RIOK3: variants seen among roughly 807,000 people sequenced by gnomAD.
RIOK3 encodes the protein serine/threonine-protein kinase RIO3.
A neutral mutation model predicts 63.5 loss-of-function variants in RIOK3; 40 were observed. The ratio of observed to expected loss-of-function variants is 0.63; its 90% CI spans 0.49 to 0.82. The LOEUF (loss-of-function observed/expected upper bound fraction) is 0.82. Ranked by LOEUF, RIOK3 falls within the 40% of genes least tolerant of loss-of-function variation. The pLI, the probability that RIOK3 is intolerant of heterozygous loss-of-function variation, is 0.00. For missense variants in RIOK3, 557 were observed against 637.0 expected, an observed-to-expected ratio of 0.87 and a Z score of 1.35; for synonymous variants, 193 against 205.0, an observed-to-expected ratio of 0.94 and a Z score of 0.50.
chr18:23,465,470 A>G (rs901301789), intron 5 of RIOK3, among the ~76,000 whole-genome samples: 1 of 152,178 alleles, frequency 6.6e-6, no homozygotes, highest in African/African-American at 2.4e-5. Context: ...AATGCTTGTT[A>G]AGTAAACATA....
intron 1 of RIOK3, among the ~76,000 whole-genome samples, chr18:23,462,343 G>A (rs2057377750): frequency 6.6e-6 from 1 of 152,048 alleles, no homozygotes. Context: ...GTTTCACCAT[G>A]TTGGCCAGGC....
chr18:23,453,615 C>A, intron 1 of RIOK3, 113 bp downstream of exon 1: 2 of 950,164 alleles, frequency 2.1e-6, no homozygotes, highest in Non-Finnish European at 1.7e-6. Flanking sequence ...GGCGGGACCC[C>A]GCGGACCTCG....
rs112648602 is a variant in RIOK3 at position 23,481,370 on chromosome 18, C to A, written c.*91C>A. On this transcript the variant is annotated 3_prime_UTR_variant, in exon 13 of 13. Coordinates refer to ENST00000339486, the MANE Select transcript of RIOK3 (RefSeq NM_003831.5). ...TATGGGTGACTTGAAATACCAAAACCTGAGGAGTGGGCAATGGTGCTTCTG... is the reference window on the plus strand; with the variant it reads ...TATGGGTGACTTGAAATACCAAAACATGAGGAGTGGGCAATGGTGCTTCTG... 6 of 767,300 alleles carry A rather than the reference C, an allele frequency of 7.8e-6. No homozygotes were observed. The highest frequency in any genetic ancestry group is 5.4e-5 in the African/African-American group (3 of 55,520). The allele number at this position is 767,300 out of a possible 1,614,324, so 47.5% of individuals were successfully genotyped here. A position where few individuals can be genotyped will look rare whatever the true frequency, so the allele number is the denominator to read the frequency against.
chr18:23,453,601 CTGGGGCGGGACCCCGCGGA>C (rs925559210), intron 1 of RIOK3, 99 bp downstream of exon 1: 1 of 1,103,930 alleles, frequency 9.1e-7, no homozygotes, highest in Non-Finnish European at 1.4e-6. Flanking sequence ...TCGGGAAGTT[CTGGGGCGGGACCCCGCGGA>C]CCTCGGCAAG....
chr18:23,478,924 T>G (rs2057512539), intron 11 of RIOK3: 1 of 176,456 alleles, frequency 5.7e-6, no homozygotes, highest in African/African-American at 2.3e-5. Flanking sequence ...ATGAGCTAAA[T>G]CCAGAAGGCA....
At chr18:23,461,793 G>A (rs1328686149) in intron 1 of RIOK3, among the ~76,000 whole-genome samples, 4 of 152,024 alleles carry the variant, frequency 2.6e-5, no homozygotes, top group African/African-American at 9.7e-5. Context: ...CTAAAGTTCA[G>A]AAATAAAATT....
In RIOK3 at chr18:23,464,287, A is replaced by C. The variant is rs1365513192; in HGVS notation, c.407A>C (p.Asp136Ala). The change falls in exon 4 of 13, where the codon GAT (aspartate) becomes GCT (alanine). Residue 136 changes from aspartate to alanine, a missense_variant. This residue lies in a region of RIOK3 where 243 missense variants were observed against 275.4 expected (regional missense o/e 0.88). Coordinates refer to ENST00000339486, the MANE Select transcript of RIOK3 (RefSeq NM_003831.5). Reference sequence around the variant, plus strand: ...TCTGAAGATGAGGTTGACTGGCAGGATACTCGTGATGATCCCTACAGACCA... The same window carrying C: ...TCTGAAGATGAGGTTGACTGGCAGGCTACTCGTGATGATCCCTACAGACCA... ...DSSEDEVDWQ[D>A]TRDDPYRPAK... The C allele has an allele frequency of 6.2e-7, 1 of 1,613,988 alleles. No individual in the cohort carries two copies. Among genetic ancestry groups the C allele is most frequent in the South Asian group, 1.1e-5 (1 of 91,082 alleles).
At chr18:23,457,899 CTTTT>C (rs551826447) in intron 1 of RIOK3, among the ~76,000 whole-genome samples, 1 of 143,598 alleles carries the variant, frequency 7.0e-6, no homozygotes, top group Non-Finnish European at 1.5e-5. Flanking sequence ...TGCTGGTTTT[CTTTT>C]TTTTTTTTGG....
chr18:23,477,619 C>T (rs184126679), intron 11 of RIOK3, among the ~76,000 whole-genome samples: 89 of 149,480 alleles, frequency 6.0e-4, no homozygotes, highest in Middle Eastern at 3.6e-3. Flanking sequence ...CAAAATTAGC[C>T]GGGCATGGTG....
chr18:23,468,855 T>C (rs1451691947), intron 7 of RIOK3, among the ~76,000 whole-genome samples: 1 of 152,230 alleles, frequency 6.6e-6, no homozygotes, highest in Admixed American at 6.5e-5. Flanking sequence ...ATGGCTTAAC[T>C]AGGTTCTCTG....
At chr18:23,455,171 A>G (rs1001557291) in intron 1 of RIOK3, among the ~76,000 whole-genome samples, 3 of 151,892 alleles carry the variant, frequency 2.0e-5, no homozygotes, top group African/African-American at 7.3e-5. Context: ...TTCCGGGTTC[A>G]GGCAATTCTT....
At chr18:23,455,548 C>CA (rs1240749239) in intron 1 of RIOK3, among the ~76,000 whole-genome samples, 1 of 151,416 alleles carries the variant, frequency 6.6e-6, no homozygotes, top group Non-Finnish European at 1.5e-5. Flanking sequence ...CCCACCACCA[C>CA]ACCCGGCTAA....
chr18:23,479,061 C>T (rs2057513433), intron 11 of RIOK3: 1 of 338,544 alleles, frequency 3.0e-6, no homozygotes, highest in African/African-American at 2.1e-5. Flanking sequence ...CCTCCTTGGC[C>T]TCCCAAAGTG....
intron 7 of RIOK3, among the ~76,000 whole-genome samples, chr18:23,472,622 T>C (rs964362390): frequency 6.6e-6 from 1 of 152,180 alleles, no homozygotes; most frequent in Non-Finnish European, 1.5e-5. Flanking sequence ...TGCCCTTCCA[T>C]TCTGACAGTA....
rs545044204 is a variant in RIOK3 at position 23,467,630 on chromosome 18, G to C, written c.815+104G>C. 1.2e-5 allele frequency: 14 copies of C among 1,152,134 alleles called. No individual in the cohort carries two copies. In the South Asian group the frequency reaches 1.7e-4, roughly 14 times the overall value. 71.4% of individuals were successfully genotyped at this position (1,152,134 alleles called of 1,614,324 possible). The stretch of plus-strand genomic sequence containing the variant: ...AAGATAATGCTGCATGGCAAGCAGA[G>C]TAATTTTTAAAGTGTTATTGTAGAA... On this transcript the variant is annotated intron_variant, in intron 7 of 12. Transcript: ENST00000339486.
chr18:23,476,646 C>T (rs560166367), intron 9 of RIOK3, among the ~76,000 whole-genome samples: 17 of 151,950 alleles, frequency 1.1e-4, no homozygotes, highest in Admixed American at 3.9e-4. Flanking sequence ...GCAGTGCTCA[C>T]GCCTGTAATC....
At chr18:23,469,625 T>C (rs1409931384) in intron 7 of RIOK3, among the ~76,000 whole-genome samples, 3 of 151,436 alleles carry the variant, frequency 2.0e-5, no homozygotes, top group Non-Finnish European at 4.4e-5. Context: ...GTAGCGGGGA[T>C]TACAGGTACA....
At chr18:23,480,557 A>ACACACACACACACC (rs2057525166) in intron 12 of RIOK3, among the ~76,000 whole-genome samples, 1 of 69,794 alleles carries the variant, frequency 1.4e-5, no homozygotes. Context: ...GGATGCACGC[A>ACACACACACACACC]CACACACACA....
chr18:23,474,857 CAT>C, intron 8 of RIOK3, 89 bp from the exon 9 acceptor site: 1 of 931,884 alleles, frequency 1.1e-6, no homozygotes, highest in East Asian at 2.5e-5. Context: ...AGTGCCAGCT[CAT>C]TGCAGGCCCT....
Sources: allele counts gnomAD v4.1 joint callset (sites outside exome capture counted in the v4.1 genomes callset), GRCh38; gene constraint gnomAD v4.1.1; regional missense constraint gnomAD v4.1.1; transcripts MANE v1.5; gene names NCBI Gene and HGNC (gene_info 2026-07-23, HGNC 2026-07-21).